Variants in C6 observed in about 807,000 individuals in gnomAD.
The protein encoded by C6 is complement C6.
A neutral mutation model predicts 112.9 loss-of-function variants in C6; 101 were observed. That is an observed-to-expected ratio of 0.89 (90% confidence interval 0.76 to 1.06). C6 has a LOEUF of 1.06. Among genes scored for constraint, C6 ranks in the 50% least tolerant of loss-of-function variants. The pLI is 0.00. For synonymous variants in C6, 431 were observed against 384.1 expected (o/e 1.12, Z -1.43); for missense variants, 1,202 against 1,104.6 (o/e 1.09, Z -1.25).
chr5:41,193,241 G>C (rs1014508802), intron 5 of C6, among the ~76,000 whole-genome samples: 3 of 152,182 alleles, frequency 2.0e-5, no homozygotes, highest in Non-Finnish European at 4.4e-5. Context: ...AGGAATCTAT[G>C]AAGGTGACAG....
rs181908440 is a variant in C6 at position 41,210,093 on chromosome 5, T to A, written c.-21+3283A>T. ...CTACAGCCATCTGATCTTTGACAAATCTGACAAAAACAAGCAATGGGGAAA... is the reference window on the plus strand; with the variant it reads ...CTACAGCCATCTGATCTTTGACAAAACTGACAAAAACAAGCAATGGGGAAA... On this transcript the variant is annotated intron_variant, in intron 1 of 17. Transcript: ENST00000337836. 7.3e-3 allele frequency among the ~76,000 whole-genome samples: 1,109 copies of A among 152,110 alleles called. 12 individuals are homozygous for A. Among genetic ancestry groups the A allele is most frequent in the Non-Finnish European group, 0.012 (831 of 67,962 alleles).
At chr5:41,215,981 A>G (rs1283228549), upstream of C6, among the ~76,000 whole-genome samples, 1 of 152,066 alleles carries the variant, frequency 6.6e-6, no homozygotes, top group Admixed American at 6.6e-5. Context: ...TATTTCAAAA[A>G]CTCTTCAGAG....
intron 15 of C6, among the ~76,000 whole-genome samples, chr5:41,151,863 A>C (rs1045531415): frequency 1.3e-5 from 2 of 152,132 alleles, no homozygotes; most frequent in African/African-American, 4.8e-5. Context: ...GATAAGGAAA[A>C]AAAAAAAAAG....
At chr5:41,253,977 G>C (rs1012096287) in intron 1 of C6, among the ~76,000 whole-genome samples, 1 of 152,152 alleles carries the variant, frequency 6.6e-6, no homozygotes, top group East Asian at 1.9e-4. Context: ...AACCTTAAAA[G>C]TTGCAAATAT....
intron 5 of C6, among the ~76,000 whole-genome samples, chr5:41,189,900 T>C (rs1009180648): frequency 4.6e-5 from 7 of 152,188 alleles, no homozygotes; most frequent in African/African-American, 1.7e-4. Flanking sequence ...TTTCACTTAA[T>C]ATCCTCCAGG....
In C6 at chr5:41,172,148, T is replaced by C; in HGVS notation, c.1291+77A>G. 5.6e-6 allele frequency: 8 copies of C among 1,433,948 alleles called. No individual in the cohort carries two copies. In the South Asian group the frequency reaches 9.1e-5, roughly 16 times the overall value. 88.8% of individuals were successfully genotyped at this position (1,433,948 alleles called of 1,614,324 possible). On this transcript the variant is annotated intron_variant, in intron 9 of 17. Coordinates refer to ENST00000337836, the MANE Select transcript of C6 (RefSeq NM_000065.5). ...AAATGAAAAGCTAAAAATAGCACAG[T>C]CACATCCAATATGGTCTGTAAATGA...
At chr5:41,157,613 G>A (rs1747040850) in intron 13 of C6, among the ~76,000 whole-genome samples, 1 of 152,056 alleles carries the variant, frequency 6.6e-6, no homozygotes, top group Non-Finnish European at 1.5e-5. Flanking sequence ...GCCATAGATT[G>A]ATGGCTCTTG....
chr5:41,190,586 T>C (rs1307718055), intron 5 of C6, among the ~76,000 whole-genome samples: 1 of 152,238 alleles, frequency 6.6e-6, no homozygotes, highest in Non-Finnish European at 1.5e-5. Flanking sequence ...TACTGTTTTC[T>C]GCACTGTACA....
At chr5:41,176,815 C>T (rs901328676) in intron 7 of C6, 100 bp from the exon 8 acceptor site, 6 of 1,098,898 alleles carry the variant, frequency 5.5e-6, no homozygotes, top group Admixed American at 2.1e-5. Context: ...TCATTCCCAC[C>T]ACAGAATTAC....
At chr5:41,231,744 C>T (rs1304352522) in intron 1 of C6, among the ~76,000 whole-genome samples, 2 of 151,782 alleles carry the variant, frequency 1.3e-5, no homozygotes, top group Non-Finnish European at 2.9e-5. Flanking sequence ...ACATGTTATT[C>T]CCCTCTTGTT....
intron 7 of C6, among the ~76,000 whole-genome samples, chr5:41,178,859 G>A (rs987298452): frequency 1.3e-5 from 2 of 149,828 alleles, no homozygotes; most frequent in African/African-American, 4.9e-5. Flanking sequence ...ACTATATGAA[G>A]CTAACAATTT....
chr5:41,147,177 T>C (rs2150223686), intron 17 of C6, among the ~76,000 whole-genome samples: 1 of 152,358 alleles, frequency 6.6e-6, no homozygotes, highest in East Asian at 1.9e-4. Context: ...TGTATAATAC[T>C]TTCAGCTCTT....
intron 6 of C6, among the ~76,000 whole-genome samples, chr5:41,185,100 A>G (rs1382575225): frequency 1.3e-5 from 2 of 152,170 alleles, no homozygotes; most frequent in African/African-American, 4.8e-5. Flanking sequence ...TTACATATAA[A>G]TGTTTAGGTT....
chr5:41,162,414 A>G (rs1747603836), intron 9 of C6, among the ~76,000 whole-genome samples: 1 of 152,214 alleles, frequency 6.6e-6, no homozygotes, highest in Non-Finnish European at 1.5e-5. Flanking sequence ...TTTTATATTT[A>G]AAGACAGAGG....
At chr5:41,229,054 G>A (rs1561191716) in intron 1 of C6, among the ~76,000 whole-genome samples, 1 of 152,158 alleles carries the variant, frequency 6.6e-6, no homozygotes, top group Non-Finnish European at 1.5e-5. Flanking sequence ...GACGGAGGTT[G>A]CAGTGAGCCA....
intron 15 of C6, among the ~76,000 whole-genome samples, chr5:41,151,721 G>A (rs1746412893): frequency 6.6e-6 from 1 of 152,140 alleles, no homozygotes; most frequent in Non-Finnish European, 1.5e-5. Flanking sequence ...TAATGTCCAA[G>A]CACTGGCAGG....
In C6 at chr5:41,186,142, A is replaced by T. The variant is rs199946957; in HGVS notation, c.654T>A (p.Cys218Ter). 7.4e-6 allele frequency: 12 copies of T among 1,613,976 alleles called. No individual in the cohort carries two copies. In the East Asian group the frequency reaches 2.5e-4, roughly 33 times the overall value. Residue 218 changes from cysteine (C) to a stop codon, truncating the protein, a stop_gained, in exon 6 of 18, where the codon TGT (cysteine) becomes TGA (stop). Coordinates refer to ENST00000337836, the MANE Select transcript of C6 (RefSeq NM_000065.5). LOFTEE classifies it high-confidence loss of function. ...TTGTCCTACTGCTTTTGACAGTTTT[A>T]CATATTCCTCCAGTGAAAGAGTTAT... ...VLDNSFTGGI[C>*]KTVKSSRTSN...
intron 7 of C6, among the ~76,000 whole-genome samples, chr5:41,179,144 G>A (rs1406037393): frequency 1.3e-5 from 2 of 152,144 alleles, no homozygotes; most frequent in African/African-American, 2.4e-5. Flanking sequence ...ATGAGCCACC[G>A]TCCCTGGTGA....
intron 1 of C6, among the ~76,000 whole-genome samples, chr5:41,257,082 G>A (rs993171015): frequency 1.3e-5 from 2 of 151,748 alleles, no homozygotes; most frequent in Non-Finnish European, 2.9e-5. Flanking sequence ...TTGTTACAAC[G>A]GTAAATTGCA....
Sources: gnomAD v4.1 joint callset for allele counts (sites outside exome capture counted in the v4.1 genomes callset) on GRCh38, gnomAD v4.1.1 for gene constraint, MANE v1.5 for transcripts, NCBI Gene and HGNC (gene_info 2026-07-23, HGNC 2026-07-21) for gene names.